STAG1: variants seen among roughly 807,000 people sequenced by gnomAD.
The protein encoded by STAG1 is cohesin subunit SA-1.
Under a neutral mutation model 170.9 loss-of-function variants are expected in STAG1, and 26 were observed. The observed-to-expected ratio is 0.15, with a 90% CI of 0.11 to 0.21. The LOEUF is 0.21. Among genes scored for constraint, STAG1 ranks in the 10% least tolerant of loss-of-function variants. STAG1 has a pLI of 1.00. For missense variants in STAG1, 964 were observed against 1,509.5 expected, an observed-to-expected ratio of 0.64 and a Z score of 5.99; for synonymous variants, 514 against 497.7, an observed-to-expected ratio of 1.03 and a Z score of -0.44.
At chr3:136,592,130 A>G (rs1445598127) in intron 4 of STAG1, among the ~76,000 whole-genome samples, 1 of 152,096 alleles carries the variant, frequency 6.6e-6, no homozygotes, top group African/African-American at 2.4e-5. Context: ...TTCACTCTGA[A>G]CTGATCCTGA....
At chr3:136,547,631 C>T (rs959148889) in intron 5 of STAG1, among the ~76,000 whole-genome samples, 1 of 152,128 alleles carries the variant, frequency 6.6e-6, no homozygotes, top group African/African-American at 2.4e-5. Flanking sequence ...TAGCATAATG[C>T]CCTCCAGATT....
intron 28 of STAG1, among the ~76,000 whole-genome samples, chr3:136,351,452 G>A (rs568681476): frequency 6.6e-6 from 1 of 152,278 alleles, no homozygotes; most frequent in East Asian, 1.9e-4. Flanking sequence ...AGTGCTGGGA[G>A]TTGGGAAAGC....
intron 1 of STAG1, among the ~76,000 whole-genome samples, chr3:136,748,315 C>T (rs1267799567): frequency 1.3e-5 from 2 of 151,950 alleles, no homozygotes; most frequent in African/African-American, 4.8e-5. Context: ...GCACGCGAAT[C>T]GCCTGAACCC....
chr3:136,532,643 A>G (rs1935430642), intron 6 of STAG1, among the ~76,000 whole-genome samples: 1 of 152,214 alleles, frequency 6.6e-6, no homozygotes, highest in Non-Finnish European at 1.5e-5. Context: ...GATACATAAC[A>G]TCAACAGACT....
At chr3:136,724,329 T>C (rs892080818) in intron 1 of STAG1, among the ~76,000 whole-genome samples, 4 of 151,834 alleles carry the variant, frequency 2.6e-5, no homozygotes, top group Non-Finnish European at 5.9e-5. Flanking sequence ...CTCTGAAACA[T>C]GTGCTGTGTC....
At chr3:136,494,193 C>T (rs1262438753) in intron 9 of STAG1, among the ~76,000 whole-genome samples, 1 of 152,080 alleles carries the variant, frequency 6.6e-6, no homozygotes, top group East Asian at 1.9e-4. Flanking sequence ...ACTGCTTGAG[C>T]CCAGGACATT....
At chr3:136,750,707 T>C (rs1196401629) in intron 1 of STAG1, among the ~76,000 whole-genome samples, 1 of 152,236 alleles carries the variant, frequency 6.6e-6, no homozygotes. Flanking sequence ...GCAAAACACC[T>C]GTAGATCTTC....
At chr3:136,462,089 T>C (rs1559816136) in intron 13 of STAG1, among the ~76,000 whole-genome samples, 1 of 152,086 alleles carries the variant, frequency 6.6e-6, no homozygotes, top group Non-Finnish European at 1.5e-5. Context: ...GCTAGTACAC[T>C]GTTGGTGGGA....
intron 1 of STAG1, chr3:136,737,000 C>T: frequency 6.3e-7 from 1 of 1,591,750 alleles, no homozygotes. Context: ...TCAGGATGCA[C>T]CAAGATGGAT....
chr3:136,399,451 G>A (rs1380420804), intron 21 of STAG1, among the ~76,000 whole-genome samples: 2 of 151,976 alleles, frequency 1.3e-5, no homozygotes, highest in African/African-American at 2.4e-5. Flanking sequence ...AGTTTTTTAC[G>A]CATATCGTTG....
At chr3:136,372,595 A>G (rs932582341) in intron 23 of STAG1, among the ~76,000 whole-genome samples, 6 of 152,174 alleles carry the variant, frequency 3.9e-5, no homozygotes, top group Non-Finnish European at 7.3e-5. Context: ...TAATGCATCT[A>G]TTGAGATAAT....
intron 28 of STAG1, among the ~76,000 whole-genome samples, chr3:136,352,510 A>T (rs1296804277): frequency 6.6e-6 from 1 of 152,156 alleles, no homozygotes; most frequent in East Asian, 1.9e-4. Context: ...GAAACAGGAA[A>T]ATGTGATGGA....
intron 6 of STAG1, among the ~76,000 whole-genome samples, chr3:136,537,494 A>ATT (rs780672876): frequency 8.4e-5 from 11 of 131,646 alleles, no homozygotes; most frequent in South Asian, 2.5e-4. Context: ...TTTTTTGTTT[A>ATT]TTTTTTTTTT....
rs191574295 is a variant in STAG1, at chr3:136,621,404, T to A, written c.132+1742A>T. ...TCTTATTTCCAATTCTGCAGTTATA[T>A]CCTGAGATTGCCAGGATAGCAATGA... On this transcript the variant is annotated intron_variant, in intron 3 of 33. Coordinates refer to ENST00000383202, the MANE Select transcript of STAG1 (RefSeq NM_005862.3). Among the ~76,000 whole-genome samples, 102 of 152,284 alleles carry A rather than the reference T, an allele frequency of 6.7e-4. 1 individual carries two copies. In the East Asian group the frequency reaches 0.016, roughly 24 times the overall value.
intron 10 of STAG1, among the ~76,000 whole-genome samples, chr3:136,475,674 G>A (rs1036888641): frequency 6.6e-6 from 1 of 152,196 alleles, no homozygotes; most frequent in African/African-American, 2.4e-5. Flanking sequence ...ACGTAGGACA[G>A]CAGTTTGTTA....
intron 5 of STAG1, among the ~76,000 whole-genome samples, chr3:136,558,675 T>TA (rs1936721707): frequency 6.6e-6 from 1 of 152,224 alleles, no homozygotes; most frequent in Non-Finnish European, 1.5e-5. Context: ...ATCACCTGAC[T>TA]AAAGCATGAA....
intron 28 of STAG1, among the ~76,000 whole-genome samples, chr3:136,356,555 A>AT (rs911140163): frequency 1.8e-4 from 27 of 151,614 alleles, no homozygotes; most frequent in Admixed American, 1.8e-3. Context: ...TAATTTTAAA[A>AT]TTTTTTTATA....
chr3:136,445,024 CTTT>C (rs368181116), intron 14 of STAG1, among the ~76,000 whole-genome samples: 1 of 134,156 alleles, frequency 7.5e-6, no homozygotes, highest in Admixed American at 7.6e-5. Flanking sequence ...CCCCGCCTGG[CTTT>C]TTTTTTTTTT....
chr3:136,685,327 A>C (rs983053755), intron 1 of STAG1, among the ~76,000 whole-genome samples: 2 of 122,460 alleles, frequency 1.6e-5, no homozygotes, highest in African/African-American at 5.6e-5. Context: ...AAAAACAAAC[A>C]AACAAACAAA....
Sources: allele counts gnomAD v4.1 joint callset (sites outside exome capture counted in the v4.1 genomes callset), GRCh38; gene constraint gnomAD v4.1.1; transcripts MANE v1.5; gene names NCBI Gene and HGNC (gene_info 2026-07-23, HGNC 2026-07-21).